The following GNAQ variants were observed in gnomAD, a reference collection of about 807,000 sequenced individuals.
GNAQ encodes the protein guanine nucleotide-binding protein G(q) subunit alpha.
Under a neutral mutation model 43.9 loss-of-function variants are expected in GNAQ, and 8 were observed. The observed-to-expected ratio is 0.18, with a 90% CI of 0.11 to 0.33. The LOEUF is 0.33. Ranked by LOEUF, GNAQ falls within the 10% of genes least tolerant of loss-of-function variation. GNAQ has a pLI of 1.00. For missense variants in GNAQ, 158 were observed against 450.8 expected, an observed-to-expected ratio of 0.35 and a Z score of 5.88; for synonymous variants, 155 against 170.7, an observed-to-expected ratio of 0.91 and a Z score of 0.71.
intron 1 of GNAQ, among the ~76,000 whole-genome samples, chr9:78,016,697 A>G (rs904790244): frequency 6.6e-6 from 1 of 152,116 alleles, no homozygotes; most frequent in African/African-American, 2.4e-5. Flanking sequence ...AAAAAAAAGA[A>G]ATACAGAAAT....
chr9:77,767,908 G>A (rs938788616), intron 5 of GNAQ, among the ~76,000 whole-genome samples: 2 of 152,114 alleles, frequency 1.3e-5, no homozygotes, highest in Admixed American at 6.5e-5. Flanking sequence ...GAGTTTTAAT[G>A]TTTTGAGGTT....
intron 2 of GNAQ, among the ~76,000 whole-genome samples, chr9:77,865,343 T>G (rs1827930391): frequency 6.6e-6 from 1 of 152,228 alleles, no homozygotes; most frequent in South Asian, 2.1e-4. Flanking sequence ...CATCCTTACC[T>G]ATGTGATTTT....
chr9:78,015,392 C>A (rs1185786011), intron 1 of GNAQ, among the ~76,000 whole-genome samples: 4 of 152,166 alleles, frequency 2.6e-5, no homozygotes, highest in African/African-American at 9.7e-5. Context: ...TTAAGCAACA[C>A]ATAACTGTAC....
intron 2 of GNAQ, among the ~76,000 whole-genome samples, chr9:77,900,764 T>G (rs1482222461): frequency 2.0e-5 from 3 of 152,150 alleles, no homozygotes; most frequent in Non-Finnish European, 4.4e-5. Flanking sequence ...TTACCCTTCT[T>G]TCTTGGCAGA....
chr9:78,030,615 C>T (rs1470394016), intron 1 of GNAQ: 3 of 455,168 alleles, frequency 6.6e-6, no homozygotes, highest in African/African-American at 2.0e-5. Context: ...GGCCACTCCA[C>T]CGCAGGCCAT....
intron 5 of GNAQ, among the ~76,000 whole-genome samples, chr9:77,762,901 C>T (rs2118344132): frequency 6.6e-6 from 1 of 152,146 alleles, no homozygotes; most frequent in East Asian, 1.9e-4. Context: ...TTGAAGGCAG[C>T]ATGCTCGTTA....
At position 77,940,692 on chromosome 9, in the gene GNAQ, G is replaced by A. The variant is rs908684883; in HGVS notation, c.137-18347C>T. On this transcript the variant is annotated intron_variant, in intron 1 of 6. Transcript: ENST00000286548. ...ATTTTAAAATTTGCAAGTCGGCTGC[G>A]CGCGGTGGCTCACGCCTGTAATCCC... Among the ~76,000 whole-genome samples the A allele has an allele frequency of 7.2e-4, 109 of 152,286 alleles. 1 individual carries two copies. The highest frequency in any genetic ancestry group is 2.0e-3 in the African/African-American group (85 of 41,556).
At chr9:77,829,428 C>G (rs1012406288) in intron 2 of GNAQ, among the ~76,000 whole-genome samples, 2 of 152,164 alleles carry the variant, frequency 1.3e-5, no homozygotes, top group African/African-American at 4.8e-5. Context: ...CAAAACCATA[C>G]TATGTTCCCT....
intron 1 of GNAQ, among the ~76,000 whole-genome samples, chr9:77,948,419 G>T (rs1822931481): frequency 6.6e-6 from 1 of 152,136 alleles, no homozygotes; most frequent in Non-Finnish European, 1.5e-5. Flanking sequence ...CCCTTTTCCA[G>T]CAAAGAAAGG....
At chr9:77,914,495 A>G (rs1018231711) in intron 2 of GNAQ, among the ~76,000 whole-genome samples, 3 of 152,144 alleles carry the variant, frequency 2.0e-5, no homozygotes, top group African/African-American at 7.2e-5. Flanking sequence ...CCTTGTCTCT[A>G]TTAAAAAATA....
chr9:77,833,134 T>C (rs1407839154), intron 2 of GNAQ, among the ~76,000 whole-genome samples: 1 of 152,040 alleles, frequency 6.6e-6, no homozygotes, highest in East Asian at 1.9e-4. Flanking sequence ...ACCTGGCTAA[T>C]TTTTGTATTT....
chr9:77,980,332 G>C (rs1219379694), intron 1 of GNAQ, among the ~76,000 whole-genome samples: 1 of 152,160 alleles, frequency 6.6e-6, no homozygotes, highest in African/African-American at 2.4e-5. Context: ...ATTAGCCACA[G>C]TAAGTGAGGA....
At chr9:77,903,539 T>C (rs2118166949) in intron 2 of GNAQ, among the ~76,000 whole-genome samples, 1 of 152,258 alleles carries the variant, frequency 6.6e-6, no homozygotes, top group African/African-American at 2.4e-5. Flanking sequence ...CACTAAATGA[T>C]AATTCCCTTC....
At chr9:77,848,730 G>A (rs1172245620) in intron 2 of GNAQ, among the ~76,000 whole-genome samples, 5 of 152,188 alleles carry the variant, frequency 3.3e-5, no homozygotes, top group South Asian at 2.1e-4. Flanking sequence ...CAGAGCCAAC[G>A]TCCGCATCAT....
intron 5 of GNAQ, among the ~76,000 whole-genome samples, chr9:77,767,363 G>A (rs1053092261): frequency 6.6e-6 from 1 of 151,992 alleles, no homozygotes. Flanking sequence ...ACACATTGAG[G>A]GGCAGGATGG....
At chr9:77,728,984 T>C (rs1309955813) in intron 5 of GNAQ, among the ~76,000 whole-genome samples, 1 of 152,208 alleles carries the variant, frequency 6.6e-6, no homozygotes, top group Non-Finnish European at 1.5e-5. Flanking sequence ...TGTCATAAAT[T>C]CCCATCAAAA....
chr9:78,010,009 T>C (rs1175052420), intron 1 of GNAQ, among the ~76,000 whole-genome samples: 2 of 152,160 alleles, frequency 1.3e-5, no homozygotes, highest in Admixed American at 1.3e-4. Flanking sequence ...ATTGCTGTAA[T>C]TGTTGGGATA....
chr9:77,737,008 C>T (rs555144380), intron 5 of GNAQ, among the ~76,000 whole-genome samples: 1 of 152,348 alleles, frequency 6.6e-6, no homozygotes, highest in African/African-American at 2.4e-5. Flanking sequence ...GATCCGAAGT[C>T]TATCCTTAAC....
At chr9:77,908,555 A>C (rs1189442859) in intron 2 of GNAQ, among the ~76,000 whole-genome samples, 1 of 152,220 alleles carries the variant, frequency 6.6e-6, no homozygotes, top group Non-Finnish European at 1.5e-5. Flanking sequence ...TATTGTCCCA[A>C]AAGTTTTGCA....
Sources: allele counts gnomAD v4.1 joint callset (sites outside exome capture counted in the v4.1 genomes callset), GRCh38; gene constraint gnomAD v4.1.1; transcripts MANE v1.5; gene names NCBI Gene and HGNC (gene_info 2026-07-23, HGNC 2026-07-21).